DNAI7: variants seen among roughly 807,000 people sequenced by gnomAD.
DNAI7 encodes cancer susceptibility 1.
DNAI7 carries 78 observed loss-of-function variants against 86.6 expected under a neutral mutation model. That is an observed-to-expected ratio of 0.90 (90% confidence interval 0.75 to 1.09). The LOEUF (loss-of-function observed/expected upper bound fraction) is 1.09, where lower values mean the gene tolerates loss of function less well. Ranked by LOEUF, DNAI7 falls within the 50% of genes least tolerant of loss-of-function variation. The pLI is 0.00. For synonymous variants in DNAI7, 274 were observed against 273.0 expected, an observed-to-expected ratio of 1.00 and a Z score of -0.04; for missense variants, 753 against 810.2, an observed-to-expected ratio of 0.93 and a Z score of 0.86.
intron 1 of DNAI7, among the ~76,000 whole-genome samples, chr12:25,191,499 T>C (rs942867865): frequency 3.3e-5 from 5 of 152,086 alleles, no homozygotes; most frequent in African/African-American, 1.2e-4. Context: ...GGTCAGGAGA[T>C]GGAGGCCATC....
intron 2 of DNAI7, among the ~76,000 whole-genome samples, chr12:25,174,488 TC>T (rs1948633716): frequency 7.1e-5 from 2 of 28,100 alleles, no homozygotes; most frequent in African/African-American, 9.6e-5. Context: ...GATATATATA[TC>T]ATATATCCCA....
intron 9 of DNAI7, among the ~76,000 whole-genome samples, chr12:25,124,812 C>T (rs1046964732): frequency 6.6e-6 from 1 of 152,112 alleles, no homozygotes; most frequent in Non-Finnish European, 1.5e-5. Flanking sequence ...CTGCCATTCT[C>T]TTCTTTGTGT....
chr12:25,132,128 T>A (rs1943003855), intron 9 of DNAI7, among the ~76,000 whole-genome samples: 1 of 152,104 alleles, frequency 6.6e-6, no homozygotes, highest in Non-Finnish European at 1.5e-5. Flanking sequence ...ACGTTCCCCC[T>A]TTAAAGCCAA....
At chr12:25,120,564 T>C (rs1301853348) in intron 11 of DNAI7, among the ~76,000 whole-genome samples, 2 of 71,904 alleles carry the variant, frequency 2.8e-5, no homozygotes, top group Admixed American at 3.7e-4. Flanking sequence ...CTACTAAAAA[T>C]ACAAAAAAAA....
At chr12:25,124,061 T>TGTGTGTGC (rs1045679130) in intron 9 of DNAI7, among the ~76,000 whole-genome samples, 1 of 151,404 alleles carries the variant, frequency 6.6e-6, no homozygotes, top group Non-Finnish European at 1.5e-5. Flanking sequence ...TGTGTGTGTG[T>TGTGTGTGC]GCTAATACTT....
rs1156421211 is a variant in DNAI7 at position 25,150,031 on chromosome 12, G to A, written c.439-257C>T. On this transcript the variant is annotated intron_variant, in intron 6 of 15. Transcript: ENST00000395987. Reference sequence around the variant, plus strand: ...TAGACGTTCAGAAATGAAGGGGGAAGGTGGGGTGAAGAAAGACCAGTTCTT... The same window carrying A: ...TAGACGTTCAGAAATGAAGGGGGAAAGTGGGGTGAAGAAAGACCAGTTCTT... Among the ~76,000 whole-genome samples the A allele has an allele frequency of 8.5e-5, 13 of 152,290 alleles. No homozygotes were observed. The East Asian group carries it at 1.9e-3, about 23-fold the overall frequency.
intron 9 of DNAI7, among the ~76,000 whole-genome samples, chr12:25,130,821 C>T (rs1229689698): frequency 1.3e-5 from 2 of 151,966 alleles, no homozygotes; most frequent in Non-Finnish European, 2.9e-5. Context: ...CAGTATTACC[C>T]AATACCTATA....
chr12:25,193,728 A>T (rs1371459114), intron 1 of DNAI7, among the ~76,000 whole-genome samples: 2 of 152,230 alleles, frequency 1.3e-5, no homozygotes, highest in African/African-American at 4.8e-5. Context: ...GGTAACAAGT[A>T]AGTGCTTACT....
chr12:25,154,465 T>TA lies in DNAI7; in HGVS notation c.301-10dup. 1 of 1,598,912 alleles carries TA rather than the reference T, an allele frequency of 6.3e-7. No homozygotes were observed. The highest frequency in any genetic ancestry group is 8.5e-7 in the Non-Finnish European group (1 of 1,176,658). The stretch of plus-strand genomic sequence containing the variant: ...TGAATGTAGTGCTTCCACTGTGGAA[T>TA]AAAAATGTTTAAAGGTTCACATTGA... On this transcript the variant is annotated splice_polypyrimidine_tract_variant and intron_variant, in intron 5 of 15. Coordinates refer to ENST00000395987, the MANE Select transcript of DNAI7 (RefSeq NM_018272.5).
chr12:25,148,810 C>T (rs1017827658), intron 7 of DNAI7, among the ~76,000 whole-genome samples: 1 of 152,154 alleles, frequency 6.6e-6, no homozygotes, highest in African/African-American at 2.4e-5. Context: ...CATACAATGT[C>T]ATTAGTCTCT....
At chr12:25,144,795 G>A in intron 8 of DNAI7, 118 bp from the exon 9 acceptor site, 1 of 749,522 alleles carries the variant, frequency 1.3e-6, no homozygotes, top group Middle Eastern at 3.8e-4. Flanking sequence ...TTTTGACTCT[G>A]ATCATATGTG....
chr12:25,112,485 C>A (rs1029822799), intron 13 of DNAI7, among the ~76,000 whole-genome samples: 1 of 140,740 alleles, frequency 7.1e-6, no homozygotes, highest in African/African-American at 2.8e-5. Context: ...TGGCTCACTG[C>A]AAGCTCTGCC....
rs191406205 is a variant in DNAI7, at chr12:25,134,122, G to C, written c.1002+10243C>G. Among the ~76,000 whole-genome samples the C allele has an allele frequency of 1.6e-3, 237 of 152,142 alleles. 1 individual carries two copies. The highest frequency in any genetic ancestry group is 6.9e-4 in the Non-Finnish European group (47 of 68,000). On this transcript the variant is annotated intron_variant, in intron 9 of 15. Coordinates refer to ENST00000395987, the MANE Select transcript of DNAI7 (RefSeq NM_018272.5). The stretch of plus-strand genomic sequence containing the variant: ...CAATCCTCTCACCTCAGGGTTCCTA[G>C]TAACTTGAACTATAGGCACATGCCA...
chr12:25,187,476 C>G (rs1950133669), intron 2 of DNAI7, among the ~76,000 whole-genome samples: 2 of 152,148 alleles, frequency 1.3e-5, no homozygotes. Context: ...TCACTTCCCA[C>G]CCTCAAGTTG....
intron 9 of DNAI7, among the ~76,000 whole-genome samples, chr12:25,143,377 T>C (rs907293947): frequency 1.3e-4 from 20 of 151,918 alleles, no homozygotes; most frequent in Non-Finnish European, 2.5e-4. Flanking sequence ...GCCTCCCAAG[T>C]AGCTGGGATT....
intron 6 of DNAI7, among the ~76,000 whole-genome samples, chr12:25,152,733 T>C (rs1190061674): frequency 6.6e-6 from 1 of 152,146 alleles, no homozygotes; most frequent in East Asian, 1.9e-4. Context: ...GGCAGTTTTG[T>C]GGGACGGGGG....
intron 2 of DNAI7, among the ~76,000 whole-genome samples, chr12:25,165,669 C>T (rs1404920516): frequency 1.3e-5 from 2 of 152,208 alleles, no homozygotes; most frequent in Non-Finnish European, 2.9e-5. Flanking sequence ...ATCACAGATG[C>T]TCTGGGTAAC....
chr12:25,161,074 T>C, intron 3 of DNAI7, 39 bp downstream of exon 3: 1 of 1,479,006 alleles, frequency 6.8e-7, no homozygotes, highest in Non-Finnish European at 9.4e-7. Flanking sequence ...TCGTGACTAT[T>C]ACCTGTATAG....
At chr12:25,153,717 C>T (rs7957575) in intron 6 of DNAI7, among the ~76,000 whole-genome samples, 118,940 of 152,078 alleles carry the variant, frequency 0.78, 47,132 homozygotes, top group East Asian at 0.99. Flanking sequence ...GCTTCAAGAC[C>T]TTCTTACTTT....
Sources: allele counts gnomAD v4.1 joint callset (sites outside exome capture counted in the v4.1 genomes callset), GRCh38; gene constraint gnomAD v4.1.1; transcripts MANE v1.5; gene names NCBI Gene and HGNC (gene_info 2026-07-23, HGNC 2026-07-21).